Variants in STT3B observed in about 807,000 individuals in gnomAD.
The protein encoded by STT3B is dolichyl-diphosphooligosaccharide--protein glycosyltransferase subunit STT3B.
STT3B carries 29 observed loss-of-function variants against 96.8 expected under a neutral mutation model. The ratio of observed to expected loss-of-function variants is 0.30; its 90% CI spans 0.22 to 0.41. The LOEUF is 0.41. Ranked by LOEUF, STT3B falls within the 10% of genes least tolerant of loss-of-function variation. STT3B has a pLI of 1.00. For missense variants in STT3B, 640 were observed against 1,022.3 expected (o/e 0.63, Z 5.10); for synonymous variants, 367 against 360.0 (o/e 1.02, Z -0.22).
intron 1 of STT3B, among the ~76,000 whole-genome samples, chr3:31,572,983 T>A (rs1304710002): frequency 6.6e-6 from 1 of 152,204 alleles, no homozygotes; most frequent in Non-Finnish European, 1.5e-5. Context: ...TTTATCTATG[T>A]CAAGATGGAA....
At position 31,636,096 on chromosome 3, in the gene STT3B, T is replaced by C. The variant is rs1247812103; in HGVS notation, c.*32T>C. Reference sequence around the variant, plus strand: ...TGTTCTGGTTCCTAACTTGAAGCAGTTGTCCTTGTGAGAACCGGTCTTTGC... The same window carrying C: ...TGTTCTGGTTCCTAACTTGAAGCAGCTGTCCTTGTGAGAACCGGTCTTTGC... On this transcript the variant is annotated 3_prime_UTR_variant, in exon 16 of 16. Transcript: ENST00000295770. 6.5e-7 allele frequency: 1 copy of C among 1,538,922 alleles called. No homozygotes were observed. Among genetic ancestry groups the C allele is most frequent in the African/African-American group, 1.4e-5 (1 of 72,348 alleles).
intron 3 of STT3B, among the ~76,000 whole-genome samples, chr3:31,582,112 G>A (rs549644604): frequency 1.3e-3 from 200 of 152,038 alleles, no homozygotes; most frequent in African/African-American, 3.3e-3. Context: ...TTTGTCAATC[G>A]TGTTGCTCTT....
chr3:31,588,048 C>T (rs187817352), intron 3 of STT3B, among the ~76,000 whole-genome samples: 2 of 152,194 alleles, frequency 1.3e-5, no homozygotes, highest in East Asian at 3.9e-4. Flanking sequence ...TTTTGTAGAT[C>T]ATCTAGAATT....
chr3:31,550,990 G>T (rs1037192891), intron 1 of STT3B, among the ~76,000 whole-genome samples: 1 of 152,106 alleles, frequency 6.6e-6, no homozygotes, highest in Non-Finnish European at 1.5e-5. Flanking sequence ...TATATATGAA[G>T]TGTTGCAAAT....
At chr3:31,618,018 A>C in intron 8 of STT3B, 30 bp downstream of exon 8, 1 of 1,403,764 alleles carries the variant, frequency 7.1e-7, no homozygotes, top group Non-Finnish European at 1.0e-6. Context: ...TTGGCATCAT[A>C]TTTATTGAAA....
At chr3:31,573,322 C>G (rs1188419603) in intron 1 of STT3B, among the ~76,000 whole-genome samples, 2 of 152,144 alleles carry the variant, frequency 1.3e-5, no homozygotes, top group Admixed American at 1.3e-4. Flanking sequence ...TTGAAAAGAA[C>G]TTCCTTCTTG....
intron 1 of STT3B, among the ~76,000 whole-genome samples, chr3:31,560,629 T>C (rs1417070734): frequency 1.3e-5 from 2 of 152,122 alleles, no homozygotes; most frequent in Non-Finnish European, 2.9e-5. Context: ...ATTAGTCTTA[T>C]GGGGGTTTCT....
rs1398547695 is a variant in STT3B at position 31,617,953 on chromosome 3, A to C, written c.1137A>C (p.Pro379=). 1 of 1,605,868 alleles carries C rather than the reference A, an allele frequency of 6.2e-7. No individual in the cohort carries two copies. The highest frequency in any genetic ancestry group is 1.3e-5 in the African/African-American group (1 of 74,852). ...TTTCCTTCCAAGGTTACATTGCACC[A>C]TGGAGTGGCAGGTTTTATTCATTGT... The part of the protein sequence containing the change: ...IYLTYTGYIA[P]WSGRFYSLWD... Residue 379 remains proline, a synonymous_variant, in exon 8 of 16, where the codon CCA becomes CCC. Transcript: ENST00000295770.
intron 1 of STT3B, among the ~76,000 whole-genome samples, chr3:31,547,847 T>C (rs574850116): frequency 6.6e-6 from 1 of 152,226 alleles, no homozygotes; most frequent in Admixed American, 6.5e-5. Flanking sequence ...TTCTGATCCT[T>C]AAAATTCTAT....
intron 2 of STT3B, among the ~76,000 whole-genome samples, chr3:31,577,068 A>G (rs1698280484): frequency 1.3e-5 from 2 of 152,166 alleles, no homozygotes; most frequent in African/African-American, 4.8e-5. Flanking sequence ...ATTGTCTTGT[A>G]TCGGAGAAAT....
intron 9 of STT3B, among the ~76,000 whole-genome samples, chr3:31,620,989 C>T (rs1038465666): frequency 2.6e-5 from 4 of 152,180 alleles, no homozygotes; most frequent in African/African-American, 9.7e-5. Flanking sequence ...TCAGTAATCC[C>T]ATTCCTATGT....
intron 1 of STT3B, among the ~76,000 whole-genome samples, chr3:31,558,290 T>G (rs1218990146): frequency 6.6e-6 from 1 of 152,226 alleles, no homozygotes; most frequent in African/African-American, 2.4e-5. Flanking sequence ...CTTTTCTTAA[T>G]TCAGCATGAT....
chr3:31,554,495 A>G (rs1697643160), intron 1 of STT3B, among the ~76,000 whole-genome samples: 2 of 152,208 alleles, frequency 1.3e-5, no homozygotes, highest in African/African-American at 2.4e-5. Context: ...GGCCGTGTCA[A>G]AAACTTGAAA....
rs1055817949 is a variant in STT3B, at chr3:31,542,102, TC to T, written c.314+8791del. On this transcript the variant is annotated intron_variant, in intron 1 of 15. Transcript: ENST00000295770. ...ACTAATTGTCCAGAGATTTAATTTT[TC>T]TACAGAAACCAAAAATACAAGAAAG... Among the ~76,000 whole-genome samples the T allele has an allele frequency of 3.2e-4, 48 of 152,314 alleles. 1 individual carries two copies. The highest frequency in any genetic ancestry group is 6.8e-3 in the Middle Eastern group (2 of 294).
intron 1 of STT3B, among the ~76,000 whole-genome samples, chr3:31,536,405 G>A (rs1697100057): frequency 6.6e-6 from 1 of 152,148 alleles, no homozygotes; most frequent in South Asian, 2.1e-4. Context: ...TCCACAAACC[G>A]ATTTATTCTG....
intron 9 of STT3B, 34 bp from the exon 10 acceptor site, chr3:31,622,063 C>T: frequency 6.3e-7 from 1 of 1,586,272 alleles, no homozygotes; most frequent in Non-Finnish European, 8.7e-7. Flanking sequence ...AACTTTTTCC[C>T]TCCAACATAT....
Position 31,630,836 on chromosome 3 carries a change from G to A in STT3B, c.2187+1425G>A, listed in dbSNP as rs1041945734. On this transcript the variant is annotated intron_variant, in intron 14 of 15. Coordinates refer to ENST00000295770, the MANE Select transcript of STT3B (RefSeq NM_178862.3). ...TTTTGAGAGGGAGTCTCGCTCTGTC[G>A]CCCAGGCTGGAGTACAGTGGTGTGA... 4.6e-4 allele frequency among the ~76,000 whole-genome samples: 70 copies of A among 151,374 alleles called. 1 individual carries two copies. Among genetic ancestry groups the A allele is most frequent in the Admixed American group, 2.3e-3 (35 of 15,174 alleles).
intron 2 of STT3B, among the ~76,000 whole-genome samples, chr3:31,579,477 T>TAAAAAAAAAAA (rs1173591549): frequency 8.9e-5 from 6 of 67,444 alleles, no homozygotes; most frequent in African/African-American, 3.4e-4. Flanking sequence ...CCTGTTTTGA[T>TAAAAAAAAAAA]AAAAAAAAAA....
intron 3 of STT3B, among the ~76,000 whole-genome samples, chr3:31,592,485 A>G (rs1698688716): frequency 6.6e-6 from 1 of 152,156 alleles, no homozygotes. Flanking sequence ...TGTCAATTCT[A>G]TTTTTAAATT....
Sources: allele counts gnomAD v4.1 joint callset (sites outside exome capture counted in the v4.1 genomes callset), GRCh38; gene constraint gnomAD v4.1.1; transcripts MANE v1.5; gene names NCBI Gene and HGNC (gene_info 2026-07-23, HGNC 2026-07-21).